Variants in RAB26 observed in about 807,000 individuals in gnomAD.
RAB26 encodes the protein RAB26, member RAS oncogene family.
A neutral mutation model predicts 33.1 loss-of-function variants in RAB26; 39 were observed. The observed-to-expected ratio is 1.18, with a 90% CI of 0.91 to 1.54. RAB26 has a LOEUF of 1.54. Ranked by LOEUF, RAB26 falls within the 40% of genes most tolerant of loss-of-function variation. The probability of loss-of-function intolerance (pLI) is 0.00; values close to 1 mark genes in which losing one functional copy is unlikely to be tolerated. For synonymous variants in RAB26, 192 were observed against 151.9 expected (o/e 1.26, Z -1.94); for missense variants, 468 against 362.9 (o/e 1.29, Z -2.35).
chr16:2,152,716 A>AAT, intron 5 of RAB26, 104 bp from the exon 6 acceptor site: 5 of 748,112 alleles, frequency 6.7e-6, no homozygotes, highest in Non-Finnish European at 6.1e-6. Context: ...AAAAAAAAAA[A>AAT]GATAAAGACA....
At position 2,151,688 on chromosome 16, in the gene RAB26, G is replaced by A. The variant is rs534422528; in HGVS notation, c.349-7G>A. On this transcript the variant is annotated splice_polypyrimidine_tract_variant and splice_region_variant and intron_variant, in intron 3 of 8. Transcript: ENST00000210187. ...CTGGACAGCCTGACCAGTGCCTGTC[G>A]CTGCAGATGTGGGACACAGCTGGTC... 21 of 1,613,964 alleles carry A rather than the reference G, an allele frequency of 1.3e-5. No homozygotes were observed. The highest frequency in any genetic ancestry group is 5.3e-5 in the African/African-American group (4 of 75,056).
chr16:2,149,598 C>T (rs1038514590), intron 1 of RAB26, among the ~76,000 whole-genome samples: 1 of 152,158 alleles, frequency 6.6e-6, no homozygotes, highest in Non-Finnish European at 1.5e-5. Context: ...AAGCCCCCGG[C>T]AGAGGCCTCC....
Position 2,153,312 on chromosome 16 carries a change from T to C in RAB26, c.669-7T>C, listed in dbSNP as rs778090802. The C allele has an allele frequency of 1.3e-5, 21 of 1,613,196 alleles. No individual in the cohort carries two copies. The East Asian group carries it at 4.5e-4, about 34-fold the overall frequency. ...CATCGTGTCCCCTTGTCACCCCCACTCCGCAGGGAGTTGAAGCAGCGCTCC... is the reference window on the plus strand; with the variant it reads ...CATCGTGTCCCCTTGTCACCCCCACCCCGCAGGGAGTTGAAGCAGCGCTCC... On this transcript the variant is annotated splice_region_variant and splice_polypyrimidine_tract_variant and intron_variant, in intron 8 of 8. Transcript: ENST00000210187.
At chr16:2,149,893 C>G in intron 1 of RAB26, 48 bp from the exon 2 acceptor site, 5 of 1,410,766 alleles carry the variant, frequency 3.5e-6, no homozygotes, top group Non-Finnish European at 4.7e-6. Context: ...TCTGACCAGG[C>G]CAGCTCAGGG....
rs148865896 is a variant in RAB26 at position 2,153,849 on chromosome 16, A to G, written c.*428A>G. On this transcript the variant is annotated 3_prime_UTR_variant, in exon 9 of 9. Coordinates refer to ENST00000210187, the MANE Select transcript of RAB26 (RefSeq NM_014353.5). Reference sequence around the variant, plus strand: ...GCCTGGGACAGAAGGCTTCACTGCTAATCACATCGTGCATCTGTGTGTCCT... The same window carrying G: ...GCCTGGGACAGAAGGCTTCACTGCTGATCACATCGTGCATCTGTGTGTCCT... 2.1e-3 allele frequency: 947 copies of G among 459,912 alleles called. 8 individuals are homozygous for G. The highest frequency in any genetic ancestry group is 0.017 in the African/African-American group (843 of 50,364). The allele number at this position is 459,912 out of a possible 1,614,324, so 28.5% of individuals were successfully genotyped here.
chr16:2,148,614 G>A (rs1354536990), upstream of RAB26: 1 of 284,914 alleles, frequency 3.5e-6, no homozygotes, highest in African/African-American at 2.3e-5. Context: ...CCGTGGAGCG[G>A]CGGGGGCGGG....
Position 2,148,649 on chromosome 16 carries a change from TGCCGCCGCCGCCGCCGCCGCC to T in RAB26, c.-122_-102del, listed in dbSNP as rs761711190. Reference sequence around the variant, plus strand: ...GGCGCGAGCCGGGCGCCCGGGATGATGCCGCCGCCGCCGCCGCCGCCGCCGCCGCCGCCAGGGGAAGGGTTC... The same window carrying T: ...GGCGCGAGCCGGGCGCCCGGGATGATGCCGCCGCCGCCAGGGGAAGGGTTC... On this transcript the variant is annotated 5_prime_UTR_variant, in exon 1 of 9. Coordinates refer to ENST00000210187, the MANE Select transcript of RAB26 (RefSeq NM_014353.5). The T allele has an allele frequency of 4.1e-4, 158 of 388,590 alleles. 1 individual carries two copies. Among genetic ancestry groups the T allele is most frequent in the Middle Eastern group, 1.0e-3 (1 of 958 alleles). The allele number at this position is 388,590 out of a possible 1,614,324, so 24.1% of individuals were successfully genotyped here. A position where few individuals can be genotyped will look rare whatever the true frequency, so the allele number is the denominator to read the frequency against.
upstream of RAB26, chr16:2,148,270 T>A (rs1425070321): frequency 6.6e-6 from 1 of 152,382 alleles, no homozygotes; most frequent in Non-Finnish European, 1.5e-5. Context: ...GCGGTGCCCG[T>A]CCATGCGGGC....
rs1471199199 is a variant in RAB26, at chr16:2,153,406, C to T, written c.756C>T (p.Ser252=). 3.7e-6 allele frequency: 6 copies of T among 1,613,290 alleles called. No individual in the cohort carries two copies. Among genetic ancestry groups the T allele is most frequent in the Non-Finnish European group, 5.1e-6 (6 of 1,180,022 alleles). ...DYVKREGRGA[S]CCRP ...TTAAGAGGGAGGGTCGAGGGGCCTCCTGCTGCCGCCCTTGAACCTGGCTGA... is the reference window on the plus strand; with the variant it reads ...TTAAGAGGGAGGGTCGAGGGGCCTCTTGCTGCCGCCCTTGAACCTGGCTGA... The change falls in exon 9 of 9, where the codon TCC becomes TCT. Residue 252 remains serine, a synonymous_variant. Transcript: ENST00000210187.
intron 1 of RAB26, among the ~76,000 whole-genome samples, chr16:2,149,404 G>A (rs2092997242): frequency 6.6e-6 from 1 of 151,716 alleles, no homozygotes; most frequent in African/African-American, 2.4e-5. Context: ...GGACTTGGCA[G>A]GGGGCTGGGA....
At position 2,153,658 on chromosome 16, in the gene RAB26, G is replaced by T. The variant is rs78587708; in HGVS notation, c.*237G>T. 3 of 661,372 alleles carry T rather than the reference G, an allele frequency of 4.5e-6. No homozygotes were observed. The highest frequency in any genetic ancestry group is 3.0e-5 in the South Asian group (2 of 66,108). 41.0% of individuals were successfully genotyped at this position (661,372 alleles called of 1,614,324 possible). A position where few individuals can be genotyped will look rare whatever the true frequency, so the allele number is the denominator to read the frequency against. The stretch of plus-strand genomic sequence containing the variant: ...GGAAAAGCAGTCTTCTGCACGGGAC[G>T]GGGAGCGGCAAGTGGACAGACTTTG... On this transcript the variant is annotated 3_prime_UTR_variant, in exon 9 of 9. Coordinates refer to ENST00000210187, the MANE Select transcript of RAB26 (RefSeq NM_014353.5).
rs2093005784 is a variant in RAB26, at chr16:2,151,748, C to T, written c.402C>T (p.Tyr134=). The T allele has an allele frequency of 6.2e-7, 1 of 1,613,986 alleles. No individual in the cohort carries two copies. The highest frequency in any genetic ancestry group is 8.5e-7 in the Non-Finnish European group (1 of 1,180,016). The change falls in exon 4 of 9, where the codon TAC becomes TAT. Residue 134 remains tyrosine (Y), a synonymous_variant. Coordinates refer to ENST00000210187, the MANE Select transcript of RAB26 (RefSeq NM_014353.5). ...TCCGCAGTGTTACCCATGCCTACTA[C>T]CGGGATGCTCATGGTGAGCCCCTGG... ...ERFRSVTHAY[Y]RDAHALLLLY...
At chr16:2,151,229 A>G in intron 2 of RAB26, 1 of 517,088 alleles carries the variant, frequency 1.9e-6, no homozygotes, top group Admixed American at 2.4e-5. Flanking sequence ...CTTTCAAATT[A>G]GCAAAAAGAG....
At position 2,149,838 on chromosome 16, in the gene RAB26, C is replaced by T. The variant is rs992955832; in HGVS notation, c.196-103C>T. The T allele has an allele frequency of 1.9e-5, 16 of 852,306 alleles. No individual in the cohort carries two copies. The Admixed American group carries it at 4.6e-4, about 25-fold the overall frequency. 52.8% of individuals were successfully genotyped at this position (852,306 alleles called of 1,614,324 possible). ...TCCCTGGCCCCGCTGAGCCTGCAGG[C>T]CTGGGCTGCCTCCCTCCACTCCTGC... is the stretch of plus-strand genomic sequence containing the variant. On this transcript the variant is annotated intron_variant, in intron 1 of 8. Coordinates refer to ENST00000210187, the MANE Select transcript of RAB26 (RefSeq NM_014353.5).
At position 2,153,547 on chromosome 16, in the gene RAB26, C is replaced by T; in HGVS notation, c.*126C>T. 2 of 847,212 alleles carry T rather than the reference C, an allele frequency of 2.4e-6. No individual in the cohort carries two copies. The allele number at this position is 847,212 out of a possible 1,614,324, so 52.5% of individuals were successfully genotyped here. A position where few individuals can be genotyped will look rare whatever the true frequency, so the allele number is the denominator to read the frequency against. On this transcript the variant is annotated 3_prime_UTR_variant, in exon 9 of 9. Transcript: ENST00000210187. ...CCCGAGTGTCTGTTTTCAGGAGCCCCAGGTCAAGCCTTGTCCCTTCCTCCT... is the reference window on the plus strand; with the variant it reads ...CCCGAGTGTCTGTTTTCAGGAGCCCTAGGTCAAGCCTTGTCCCTTCCTCCT...
chr16:2,152,696 A>AC, intron 5 of RAB26, 124 bp from the exon 6 acceptor site: 1 of 443,508 alleles, frequency 2.3e-6, no homozygotes, highest in Non-Finnish European at 3.5e-6. Flanking sequence ...CTTGTCTCAA[A>AC]AAAAAAAAAA....
At chr16:2,149,303 CTTTTTTTT>C (rs756125935) in intron 1 of RAB26, among the ~76,000 whole-genome samples, 3 of 116,022 alleles carry the variant, frequency 2.6e-5, no homozygotes, top group East Asian at 4.4e-4. Context: ...GGCTGTGGGC[CTTTTTTTT>C]TTTTTTTTTT....
At chr16:2,149,613 G>C (rs1170550178) in intron 1 of RAB26, among the ~76,000 whole-genome samples, 1 of 152,124 alleles carries the variant, frequency 6.6e-6, no homozygotes, top group African/African-American at 2.4e-5. Context: ...GCCTCCCCAA[G>C]TCTCTTAGGA....
In RAB26 at chr16:2,153,800, A is replaced by AGATAAGGGAGGACGCCTGCCCACGCC. The variant is rs1221656582; in HGVS notation, c.*380_*381insATAAGGGAGGACGCCTGCCCACGCCG. The stretch of plus-strand genomic sequence containing the variant: ...TGTCTTCAGCCGCACATGCTCAGGC[A>AGATAAGGGAGGACGCCTGCCCACGCC]GCTAAGGGAGGACGCCTGCCCACGC... On this transcript the variant is annotated 3_prime_UTR_variant, in exon 9 of 9. Transcript: ENST00000210187. 1.3e-5 allele frequency: 6 copies of AGATAAGGGAGGACGCCTGCCCACGCC among 471,698 alleles called. No homozygotes were observed. The highest frequency in any genetic ancestry group is 8.4e-6 in the Non-Finnish European group (2 of 237,644). 29.2% of individuals were successfully genotyped at this position (471,698 alleles called of 1,614,324 possible).
Sources: allele counts gnomAD v4.1 joint callset (sites outside exome capture counted in the v4.1 genomes callset), GRCh38; gene constraint gnomAD v4.1.1; transcripts MANE v1.5; gene names NCBI Gene and HGNC (gene_info 2026-07-23, HGNC 2026-07-21).